Variants in PKHD1 observed in about 807,000 individuals in gnomAD.
The protein encoded by PKHD1 is fibrocystin.
A neutral mutation model predicts 412.0 loss-of-function variants in PKHD1; 291 were observed. That is an observed-to-expected ratio of 0.71 (90% confidence interval 0.64 to 0.78). PKHD1 has a LOEUF of 0.78. Ranked by LOEUF, PKHD1 falls within the 30% of genes least tolerant of loss-of-function variation. The pLI is 0.00. For missense variants in PKHD1, 4,825 were observed against 4,950.7 expected, an observed-to-expected ratio of 0.97 and a Z score of 0.76; for synonymous variants, 1,777 against 1,821.5, an observed-to-expected ratio of 0.98 and a Z score of 0.62.
chr6:51,659,619 G>A lies in PKHD1; in HGVS notation c.10507C>T (p.Leu3503Phe). ...KLLLAVFYHE[L>F]QSPHVFLGES... ...CCTAAGAAGACGTGGGGGCTCTGGAGCTCATGGTAGAATACAGCCAAGAGA... is the reference window on the plus strand; with the variant it reads ...CCTAAGAAGACGTGGGGGCTCTGGAACTCATGGTAGAATACAGCCAAGAGA... Residue 3503 changes from leucine (L) to phenylalanine (F), a missense_variant, in exon 61 of 67, where the codon CTC becomes TTC. By Grantham distance (22) the Leu-to-Phe change is conservative. Coordinates refer to ENST00000371117, the MANE Select transcript of PKHD1 (RefSeq NM_138694.4). 1 of 1,613,738 alleles carries A rather than the reference G, an allele frequency of 6.2e-7. No individual in the cohort carries two copies. Among genetic ancestry groups the A allele is most frequent in the South Asian group, 1.1e-5 (1 of 91,074 alleles).
intron 37 of PKHD1, among the ~76,000 whole-genome samples, chr6:51,913,274 C>G (rs1037765150): frequency 2.6e-5 from 4 of 151,996 alleles, no homozygotes; most frequent in Non-Finnish European, 5.9e-5. Flanking sequence ...TAAATGATCC[C>G]TTCAAACTCT....
intron 63 of PKHD1, among the ~76,000 whole-genome samples, chr6:51,647,209 CT>C (rs1197170708): frequency 1.3e-5 from 2 of 152,134 alleles, no homozygotes; most frequent in African/African-American, 4.8e-5. Context: ...TAATATGTGT[CT>C]CTTTTGTCTC....
chr6:51,810,986 T>G (rs1343545746), intron 52 of PKHD1, among the ~76,000 whole-genome samples: 1 of 152,206 alleles, frequency 6.6e-6, no homozygotes, highest in Non-Finnish European at 1.5e-5. Context: ...TTGTGATTCT[T>G]TGGAAGCACA....
intron 35 of PKHD1, chr6:51,975,608 T>C (rs2128002429): frequency 7.3e-6 from 1 of 136,880 alleles, no homozygotes; most frequent in East Asian, 2.1e-4. Context: ...TTACATCCAT[T>C]AGGACAGCTA....
At position 51,906,273 on chromosome 6, in the gene PKHD1, C is replaced by A; in HGVS notation, c.6750G>T (p.Leu2250Phe). The change falls in exon 41 of 67, where the codon TTG becomes TTT. Residue 2250 changes from leucine to phenylalanine, a missense_variant. Coordinates refer to ENST00000371117, the MANE Select transcript of PKHD1 (RefSeq NM_138694.4). The part of the protein sequence containing the change: ...FSRGLSMCGT[L>F]GLKVDSNVFY... ...ATACATTACTGTCCACCTTCAGGCC[C>A]AAGGTCCCGCACATGCTGAGGCCTC... 1 of 1,610,158 alleles carries A rather than the reference C, an allele frequency of 6.2e-7. No individual in the cohort carries two copies. The highest frequency in any genetic ancestry group is 8.5e-7 in the Non-Finnish European group (1 of 1,176,646).
rs117693005 is a variant in PKHD1, at chr6:51,948,696, G to T, written c.5908+11174C>A. 1.7e-3 allele frequency among the ~76,000 whole-genome samples: 253 copies of T among 152,250 alleles called. 4 individuals are homozygous for T. The East Asian group carries it at 0.036, about 22-fold the overall frequency. ...AGTTGAAATTATCAAAGTAAATGAG[G>T]TCTCCCAGGGAGGACATGTAGAGTA... On this transcript the variant is annotated intron_variant, in intron 36 of 66. Coordinates refer to ENST00000371117, the MANE Select transcript of PKHD1 (RefSeq NM_138694.4).
intron 34 of PKHD1, among the ~76,000 whole-genome samples, chr6:52,013,024 A>AC (rs1164311956): frequency 1.3e-5 from 2 of 152,038 alleles, no homozygotes; most frequent in African/African-American, 4.8e-5. Context: ...CTGTTATGTG[A>AC]CCCCTTCTCA....
In PKHD1 at chr6:52,025,970, A is replaced by G; in HGVS notation, c.3840T>C (p.Arg1280=). The G allele has an allele frequency of 6.2e-7, 1 of 1,614,110 alleles. No individual in the cohort carries two copies. The highest frequency in any genetic ancestry group is 8.5e-7 in the Non-Finnish European group (1 of 1,180,034). ...TCCCCACCAAGCTTGGTGAAGGACCACGGGCGAAGAACCTGTTGCCAGCCC... is the reference window on the plus strand; with the variant it reads ...TCCCCACCAAGCTTGGTGAAGGACCGCGGGCGAAGAACCTGTTGCCAGCCC... The part of the protein sequence containing the change: ...EVWAGNRFFA[R]GPSPSLVGKG... The change falls in exon 32 of 67, where the codon CGT becomes CGC. Residue 1280 remains arginine (R), a synonymous_variant. Coordinates refer to ENST00000371117, the MANE Select transcript of PKHD1 (RefSeq NM_138694.4).
chr6:51,717,043 T>C (rs550775345), intron 60 of PKHD1, among the ~76,000 whole-genome samples: 14 of 152,194 alleles, frequency 9.2e-5, no homozygotes, highest in Non-Finnish European at 1.5e-4. Context: ...CAAATACTTA[T>C]GTGTTGCTTA....
At chr6:51,888,858 T>C (rs1778636092) in intron 43 of PKHD1, among the ~76,000 whole-genome samples, 1 of 150,192 alleles carries the variant, frequency 6.7e-6, no homozygotes, top group South Asian at 2.3e-4. Context: ...GAAAGAACTC[T>C]GAGAAAAATC....
chr6:52,020,564 CT>C (rs1323537395), intron 33 of PKHD1, among the ~76,000 whole-genome samples: 1 of 152,176 alleles, frequency 6.6e-6, no homozygotes, highest in Non-Finnish European at 1.5e-5. Context: ...GGGTGAGGCC[CT>C]TGCAGCTACT....
chr6:51,843,025 G>A (rs1056510056), intron 50 of PKHD1, among the ~76,000 whole-genome samples: 1 of 152,140 alleles, frequency 6.6e-6, no homozygotes, highest in African/African-American at 2.4e-5. Flanking sequence ...TCCTCCTTTG[G>A]ACCAAGCAAA....
chr6:51,839,090 T>A lies in PKHD1; in HGVS notation c.8108-2621A>T, dbSNP rs867736369. ...CATGATGAGCTGTAGTATTACAGAG[T>A]TGTAAGCAACTTAACCAGATCTGCT... On this transcript the variant is annotated intron_variant, in intron 50 of 66. Transcript: ENST00000371117. Among the ~76,000 whole-genome samples the A allele has an allele frequency of 2.4e-4, 37 of 152,174 alleles. 1 individual carries two copies. The highest frequency in any genetic ancestry group is 8.2e-4 in the African/African-American group (34 of 41,444).
rs189429912 is a variant in PKHD1 at position 51,912,225 on chromosome 6, T to G, written c.6332+141A>C. ...AATCTTCAAAACATTTCATGCTTTT[T>G]AATTTTCTTGTCAAAATGTCTACCA... On this transcript the variant is annotated intron_variant, in intron 38 of 66. Transcript: ENST00000371117. The G allele has an allele frequency of 3.9e-3, 2,894 of 732,976 alleles. 10 individuals carry two copies. The highest frequency in any genetic ancestry group is 5.8e-3 in the Non-Finnish European group (2,397 of 415,340). 45.4% of individuals were successfully genotyped at this position (732,976 alleles called of 1,614,324 possible). A position where few individuals can be genotyped will look rare whatever the true frequency, so the allele number is the denominator to read the frequency against.
chr6:51,975,351 A>C (rs1232178649), intron 35 of PKHD1, among the ~76,000 whole-genome samples: 1 of 152,098 alleles, frequency 6.6e-6, no homozygotes, highest in African/African-American at 2.4e-5. Context: ...TAGAGGGAAA[A>C]AGCAACCCAG....
At chr6:51,715,140 G>A (rs764574163) in intron 60 of PKHD1, among the ~76,000 whole-genome samples, 5 of 152,094 alleles carry the variant, frequency 3.3e-5, no homozygotes, top group Non-Finnish European at 7.3e-5. Context: ...CTTTATACTT[G>A]TGGTCTTTCC....
Position 52,046,148 on chromosome 6 carries a change from G to A in PKHD1, c.2448C>T (p.Leu816=), listed in dbSNP as rs771790015. ...VQISAHHLHQ[L]LQNNADDFTS... ...TGAAGTCATCGGCATTATTCTGTAA[G>A]AGCTGGTGAAGGTGATGAGCAGAAA... The change falls in exon 24 of 67, where the codon CTC becomes CTT. Residue 816 remains leucine (L), a synonymous_variant. Coordinates refer to ENST00000371117, the MANE Select transcript of PKHD1 (RefSeq NM_138694.4). The A allele has an allele frequency of 8.7e-6, 14 of 1,613,844 alleles. No homozygotes were observed. The Admixed American group carries it at 2.3e-4, about 27-fold the overall frequency.
chr6:51,842,896 T>C (rs1448717736), intron 50 of PKHD1, among the ~76,000 whole-genome samples: 2 of 152,192 alleles, frequency 1.3e-5, no homozygotes, highest in African/African-American at 4.8e-5. Flanking sequence ...GACTGGACTC[T>C]GACATACCAG....
chr6:51,959,951 C>T lies in PKHD1; in HGVS notation c.5827G>A (p.Gly1943Ser), dbSNP rs767660636. Residue 1943 changes from glycine to serine, a missense_variant, in exon 36 of 67, where the codon GGC becomes AGC. Coordinates refer to ENST00000371117, the MANE Select transcript of PKHD1 (RefSeq NM_138694.4). Reference sequence around the variant, plus strand: ...CCATTCTCCACTGTGACGTTGTCGCCATCTTGTGGCAGCCTTTCAGGAAAC... The same window carrying T: ...CCATTCTCCACTGTGACGTTGTCGCTATCTTGTGGCAGCCTTTCAGGAAAC... ...SWFPERLPQD[G>S]DNVTVENGQL... 1 of 1,613,524 alleles carries T rather than the reference C, an allele frequency of 6.2e-7. No homozygotes were observed. Among genetic ancestry groups the T allele is most frequent in the Non-Finnish European group, 8.5e-7 (1 of 1,179,610 alleles).
Sources: allele counts gnomAD v4.1 joint callset (sites outside exome capture counted in the v4.1 genomes callset), GRCh38; gene constraint gnomAD v4.1.1; transcripts MANE v1.5; gene names NCBI Gene and HGNC (gene_info 2026-07-23, HGNC 2026-07-21).